Variants in IPP observed in about 807,000 individuals in gnomAD.
IPP encodes the protein actin-binding protein IPP.
Under a neutral mutation model 64.1 loss-of-function variants are expected in IPP, and 41 were observed. The observed-to-expected ratio is 0.64, with a 90% CI of 0.50 to 0.83. The LOEUF is 0.83. IPP is among the 40% of genes least tolerant of loss of function. The pLI is 0.00. For synonymous variants in IPP, 214 were observed against 235.2 expected (o/e 0.91, Z 0.83); for missense variants, 649 against 703.0 (o/e 0.92, Z 0.87).
intron 8 of IPP, 146 bp downstream of exon 8, chr1:45,714,100 A>G (rs1645626381): frequency 1.8e-6 from 1 of 571,110 alleles, no homozygotes; most frequent in Non-Finnish European, 3.1e-6. Flanking sequence ...AAGCAGTGAC[A>G]CCAAAAGTTT....
intron 3 of IPP, among the ~76,000 whole-genome samples, chr1:45,735,754 C>T (rs909021659): frequency 6.9e-4 from 54 of 78,820 alleles, no homozygotes; most frequent in African/African-American, 2.2e-3. Flanking sequence ...CTCAGCCTCT[C>T]GAGTAGCTGG....
chr1:45,698,585 G>T, downstream of IPP: 1 of 623,246 alleles, frequency 1.6e-6, no homozygotes, highest in Non-Finnish European at 2.0e-6. Context: ...TTTGCAGTAT[G>T]CTCTTACTTA....
chr1:45,705,030 A>G (rs930263146), intron 8 of IPP, among the ~76,000 whole-genome samples: 8 of 152,204 alleles, frequency 5.3e-5, no homozygotes, highest in African/African-American at 1.9e-4. Context: ...CTCTCAACAC[A>G]CTGTCTATGG....
rs57797396 is a variant in IPP at position 45,741,623 on chromosome 1, C to CTTTTTTTTTT, written c.293-301_293-292dup. ...TAGATATTATTATTTTTCTTATTTT[C>CTTTTTTTTTT]TTTTTTTTTTTTTTTTTTTTTTTGA... On this transcript the variant is annotated intron_variant, in intron 2 of 8. Transcript: ENST00000396478. Among the ~76,000 whole-genome samples, 15 of 96,136 alleles carry CTTTTTTTTTT rather than the reference C, an allele frequency of 1.6e-4. 1 individual carries two copies. Among genetic ancestry groups the CTTTTTTTTTT allele is most frequent in the Admixed American group, 3.6e-4 (3 of 8,380 alleles). The allele number at this position is 96,136 out of a possible 152,430, so 63.1% of individuals were successfully genotyped here.
At chr1:45,733,867 G>C (rs1645943493) in intron 3 of IPP, among the ~76,000 whole-genome samples, 1 of 151,250 alleles carries the variant, frequency 6.6e-6, no homozygotes, top group South Asian at 2.1e-4. Context: ...ACCCAAATTG[G>C]TGTGAAATTT....
chr1:45,707,360 T>G (rs1435885778), intron 8 of IPP, among the ~76,000 whole-genome samples: 1 of 146,886 alleles, frequency 6.8e-6, no homozygotes, highest in African/African-American at 2.5e-5. Flanking sequence ...GAGGCGGAGC[T>G]TGCAATGAGC....
At chr1:45,712,596 G>A (rs1327496697) in intron 8 of IPP, among the ~76,000 whole-genome samples, 1 of 151,906 alleles carries the variant, frequency 6.6e-6, no homozygotes, top group East Asian at 1.9e-4. Context: ...GTGGGCTCAT[G>A]CCTGTAATCC....
chr1:45,700,146 G>A lies in IPP; in HGVS notation c.1575C>T (p.Gly525=), dbSNP rs915180729. 1 of 1,613,688 alleles carries A rather than the reference G, an allele frequency of 6.2e-7. No homozygotes were observed. The highest frequency in any genetic ancestry group is 8.5e-7 in the Non-Finnish European group (1 of 1,179,982). ...EVASMKVPRA[G]MCVVAVNGLL... ...GACCATTGACTGCCACAACACACATGCCTGCTCTAGGCACTTTCATTGAGG... is the reference window on the plus strand; with the variant it reads ...GACCATTGACTGCCACAACACACATACCTGCTCTAGGCACTTTCATTGAGG... The change falls in exon 9 of 9, where the codon GGC becomes GGT. Residue 525 remains glycine, a synonymous_variant. Transcript: ENST00000396478.
chr1:45,713,350 A>T (rs61784801), intron 8 of IPP, among the ~76,000 whole-genome samples: 2 of 151,948 alleles, frequency 1.3e-5, no homozygotes, highest in East Asian at 1.9e-4. Context: ...CACCTGAGGT[A>T]GGGAGTTCGA....
At chr1:45,749,494 GTTTT>G (rs200158500) in intron 1 of IPP, among the ~76,000 whole-genome samples, 1 of 128,872 alleles carries the variant, frequency 7.8e-6, no homozygotes. Context: ...TTGATTTTTT[GTTTT>G]TTTTTTTTGT....
chr1:45,717,537 A>G (rs28432365), intron 6 of IPP, among the ~76,000 whole-genome samples: 43,020 of 151,038 alleles, frequency 0.28, 6,224 homozygotes, highest in South Asian at 0.37. Flanking sequence ...ATGGAGTCTC[A>G]CTGTGTCACC....
chr1:45,697,217 A>T (rs1373894203), downstream of IPP: 4 of 152,212 alleles, frequency 2.6e-5, no homozygotes, highest in Non-Finnish European at 5.9e-5. Flanking sequence ...TTAAGTTATA[A>T]GGAAGGTATA....
intron 8 of IPP, 40 bp from the exon 9 acceptor site, chr1:45,700,230 T>C: frequency 1.9e-6 from 3 of 1,573,990 alleles, no homozygotes; most frequent in Non-Finnish European, 2.6e-6. Flanking sequence ...AGCAGTGTTA[T>C]GAAATGATAG....
downstream of IPP, among the ~76,000 whole-genome samples, chr1:45,695,762 C>A (rs1019990394): frequency 8.5e-5 from 13 of 152,086 alleles, no homozygotes; most frequent in East Asian, 2.3e-3. Context: ...CTCCGCCTCC[C>A]GTGTTGAAGC....
At chr1:45,702,354 T>C (rs1160203334) in intron 8 of IPP, among the ~76,000 whole-genome samples, 3 of 152,084 alleles carry the variant, frequency 2.0e-5, no homozygotes, top group African/African-American at 7.2e-5. Context: ...TTTTACATTA[T>C]CTTTTCTGGA....
At chr1:45,731,936 CG>C (rs1442810807) in intron 3 of IPP, among the ~76,000 whole-genome samples, 1 of 149,594 alleles carries the variant, frequency 6.7e-6, no homozygotes, top group Non-Finnish European at 1.5e-5. Flanking sequence ...CACTCCGTCT[CG>C]GGGGAAAAAG....
chr1:45,726,809 C>T lies in IPP; in HGVS notation c.1048+822G>A, dbSNP rs1315866135. Among the ~76,000 whole-genome samples the T allele has an allele frequency of 3.3e-5, 5 of 150,642 alleles. No homozygotes were observed. In the East Asian group the frequency reaches 7.9e-4, roughly 24 times the overall value. ...CGCGATCTCGGCTTACTGCAACCTCCGCCTCCCGGGTTCAAATGATTCTCC... is the reference window on the plus strand; with the variant it reads ...CGCGATCTCGGCTTACTGCAACCTCTGCCTCCCGGGTTCAAATGATTCTCC... On this transcript the variant is annotated intron_variant, in intron 5 of 8. Transcript: ENST00000396478.
At chr1:45,713,833 A>G (rs550629153) in intron 8 of IPP, among the ~76,000 whole-genome samples, 12 of 152,328 alleles carry the variant, frequency 7.9e-5, no homozygotes, top group African/African-American at 2.9e-4. Flanking sequence ...TGCTGGGATT[A>G]CAGGCGTGGG....
intron 4 of IPP, among the ~76,000 whole-genome samples, chr1:45,728,131 T>TGC (rs1557752487): frequency 3.5e-4 from 42 of 120,564 alleles, no homozygotes; most frequent in African/African-American, 1.6e-3. Flanking sequence ...GAAAGCTGTG[T>TGC]GTGTGTGTGT....
Sources: gnomAD v4.1 joint callset for allele counts (sites outside exome capture counted in the v4.1 genomes callset) on GRCh38, gnomAD v4.1.1 for gene constraint, MANE v1.5 for transcripts, NCBI Gene and HGNC (gene_info 2026-07-23, HGNC 2026-07-21) for gene names.